Variants in PKN2 observed in about 807,000 individuals in gnomAD.
PKN2 encodes serine/threonine-protein kinase N2.
In PKN2, 38 loss-of-function variants were observed where a neutral mutation model predicts 119.1. The ratio of observed to expected loss-of-function variants is 0.32; its 90% confidence interval spans 0.25 to 0.42. PKN2 has a LOEUF of 0.42. PKN2 is among the 10% of genes least tolerant of loss of function. PKN2 has a pLI of 1.00. For synonymous variants in PKN2, 390 were observed against 384.9 expected (o/e 1.01, Z -0.15); for missense variants, 850 against 1,165.1 (o/e 0.73, Z 3.94).
intron 2 of PKN2, among the ~76,000 whole-genome samples, chr1:88,757,223 A>C (rs560794045): frequency 6.6e-6 from 1 of 152,154 alleles, no homozygotes; most frequent in African/African-American, 2.4e-5. Context: ...TCTGTCTCAA[A>C]AGGTTATTTT....
chr1:88,815,379 C>G (rs1171734626), intron 16 of PKN2: 2 of 284,916 alleles, frequency 7.0e-6, no homozygotes, highest in Non-Finnish European at 1.4e-5. Context: ...TCTGAGTTCC[C>G]TAGCTAAAAT....
At chr1:88,687,934 C>T (rs1341797106) in intron 1 of PKN2, among the ~76,000 whole-genome samples, 6 of 152,202 alleles carry the variant, frequency 3.9e-5, no homozygotes, top group African/African-American at 1.4e-4. Flanking sequence ...GTGTCCTATA[C>T]ACCTTATTTG....
Position 88,804,400 on chromosome 1 carries a change from C to T in PKN2, c.1291C>T (p.Leu431=). The T allele has an allele frequency of 3.1e-6, 5 of 1,609,144 alleles. No homozygotes were observed. The highest frequency in any genetic ancestry group is 4.2e-6 in the Non-Finnish European group (5 of 1,177,416). Residue 431 remains leucine, a synonymous_variant, in exon 9 of 22, where the codon CTG becomes TTG. Transcript: ENST00000370521. The part of the protein sequence containing the change: ...FTLELDRSRE[L]EISVYWRDWR... Reference sequence around the variant, plus strand: ...TTTTTAATTATCCTAGTCACGTGAACTGGAAATTTCAGTTTATTGGCGTGA... The same window carrying T: ...TTTTTAATTATCCTAGTCACGTGAATTGGAAATTTCAGTTTATTGGCGTGA...
At chr1:88,796,588 C>T (rs1380764077) in intron 8 of PKN2, among the ~76,000 whole-genome samples, 1 of 152,104 alleles carries the variant, frequency 6.6e-6, no homozygotes, top group Admixed American at 6.6e-5. Flanking sequence ...ATGACTTTGT[C>T]CTCTCCTTTA....
At chr1:88,746,211 T>C (rs1668764208) in intron 2 of PKN2, among the ~76,000 whole-genome samples, 1 of 152,130 alleles carries the variant, frequency 6.6e-6, no homozygotes, top group African/African-American at 2.4e-5. Context: ...TCTATGACAT[T>C]GGTCTAGGCA....
At chr1:88,774,426 C>A (rs1193399798) in intron 6 of PKN2, among the ~76,000 whole-genome samples, 2 of 152,132 alleles carry the variant, frequency 1.3e-5, no homozygotes, top group Admixed American at 1.3e-4. Flanking sequence ...CAGCCCCCAT[C>A]CTGAAACTGT....
chr1:88,770,327 T>G lies in PKN2; in HGVS notation c.505-25T>G, dbSNP rs747938410. Reference sequence around the variant, plus strand: ...TTCATTTTTCCCTTTATTTGCTTAATTTTTCAAACTTATTTTTTTAATAGG... The same window carrying G: ...TTCATTTTTCCCTTTATTTGCTTAAGTTTTCAAACTTATTTTTTTAATAGG... On this transcript the variant is annotated intron_variant, in intron 3 of 21. Coordinates refer to ENST00000370521, the MANE Select transcript of PKN2 (RefSeq NM_006256.4). 4 of 1,404,672 alleles carry G rather than the reference T, an allele frequency of 2.8e-6. No homozygotes were observed. The South Asian group carries it at 4.6e-5, about 16-fold the overall frequency. 87.0% of individuals were successfully genotyped at this position (1,404,672 alleles called of 1,614,324 possible).
chr1:88,726,288 C>T (rs958392590), intron 1 of PKN2, among the ~76,000 whole-genome samples: 2 of 152,006 alleles, frequency 1.3e-5, no homozygotes, highest in Non-Finnish European at 2.9e-5. Flanking sequence ...AGTTTTTCAC[C>T]GTTACATATG....
chr1:88,833,410 A>G lies in PKN2; in HGVS notation c.2917A>G (p.Met973Val), dbSNP rs1672811951. Residue 973 changes from methionine to valine, a missense_variant, in exon 22 of 22, where the codon ATG becomes GTG. This residue lies in a region of PKN2 where 52 missense variants were observed against 39.9 expected (regional missense o/e 1.30). Transcript: ENST00000370521. ...PRILSEEEQEMFRDFDYIADW... is the reference protein window; with the variant it reads ...PRILSEEEQEVFRDFDYIADW... Reference sequence around the variant, plus strand: ...GATACTTTCGGAAGAGGAGCAGGAAATGTTCAGAGATTTTGACTACATTGC... The same window carrying G: ...GATACTTTCGGAAGAGGAGCAGGAAGTGTTCAGAGATTTTGACTACATTGC... The G allele has an allele frequency of 6.2e-7, 1 of 1,613,342 alleles. No individual in the cohort carries two copies. Among genetic ancestry groups the G allele is most frequent in the Non-Finnish European group, 8.5e-7 (1 of 1,179,418 alleles).
chr1:88,717,352 G>A lies in PKN2; in HGVS notation c.49-23636G>A, dbSNP rs527900841. 2.5e-3 allele frequency among the ~76,000 whole-genome samples: 374 copies of A among 152,150 alleles called. 1 individual carries two copies. Among genetic ancestry groups the A allele is most frequent in the East Asian group, 0.017 (86 of 5,156 alleles). On this transcript the variant is annotated intron_variant, in intron 1 of 21. Transcript: ENST00000370521. ...TTTGAGTGTTGGCCTGCCTTGCTAG[G>A]TTGGGGAAGTTCTCCTGGATAATAT...
intron 1 of PKN2, among the ~76,000 whole-genome samples, chr1:88,714,249 T>C (rs1021695159): frequency 6.6e-6 from 1 of 152,218 alleles, no homozygotes; most frequent in African/African-American, 2.4e-5. Flanking sequence ...TGCTTAGGAT[T>C]GTCTTGGCAA....
chr1:88,762,785 A>T (rs145616666), intron 3 of PKN2, among the ~76,000 whole-genome samples: 1 of 152,246 alleles, frequency 6.6e-6, no homozygotes, highest in African/African-American at 2.4e-5. Flanking sequence ...AAGTTTTAGT[A>T]CGATATTTGA....
intron 6 of PKN2, among the ~76,000 whole-genome samples, chr1:88,776,424 A>G (rs578202374): frequency 3.8e-4 from 57 of 150,592 alleles, no homozygotes; most frequent in Non-Finnish European, 5.9e-4. Flanking sequence ...TTGGCTGGCA[A>G]TTTTGTTTTT....
At chr1:88,778,588 T>C (rs541455906) in intron 6 of PKN2, among the ~76,000 whole-genome samples, 6 of 152,348 alleles carry the variant, frequency 3.9e-5, no homozygotes, top group Non-Finnish European at 8.8e-5. Flanking sequence ...CCTCCCAGTT[T>C]CTTTGGCTTT....
chr1:88,807,837 ATG>A, intron 15 of PKN2, 62 bp downstream of exon 15: 1 of 936,486 alleles, frequency 1.1e-6, no homozygotes, highest in Non-Finnish European at 1.7e-6. Context: ...GAAATGATAT[ATG>A]TATTACAACA....
At chr1:88,717,307 C>T (rs1260104002) in intron 1 of PKN2, among the ~76,000 whole-genome samples, 2 of 152,080 alleles carry the variant, frequency 1.3e-5, no homozygotes, top group African/African-American at 4.8e-5. Context: ...ATCTTTGTGG[C>T]ATTCTCTGTA....
Position 88,817,718 on chromosome 1 carries a change from AAAAAG to A in PKN2, c.2279+3996_2279+4000del, listed in dbSNP as rs1208143205. ...AGCGAGACTCCGTCTCAAAAAAAAA[AAAAAG>A]AAAAGAAAAGGCCTTCGATAAAATT... On this transcript the variant is annotated intron_variant, in intron 16 of 21. Coordinates refer to ENST00000370521, the MANE Select transcript of PKN2 (RefSeq NM_006256.4). Among the ~76,000 whole-genome samples, 30 of 145,260 alleles carry A rather than the reference AAAAAG, an allele frequency of 2.1e-4. No homozygotes were observed. The East Asian group carries it at 2.9e-3, about 14-fold the overall frequency.
At chr1:88,715,559 G>A (rs1667413390) in intron 1 of PKN2, among the ~76,000 whole-genome samples, 1 of 152,198 alleles carries the variant, frequency 6.6e-6, no homozygotes, top group South Asian at 2.1e-4. Context: ...TTGCCTAGAG[G>A]TGTTTATAGT....
chr1:88,708,433 T>A (rs1181474844), intron 1 of PKN2, among the ~76,000 whole-genome samples: 1 of 152,158 alleles, frequency 6.6e-6, no homozygotes, highest in South Asian at 2.1e-4. Flanking sequence ...GGAAAAAAAA[T>A]GTTTCTTTGT....
Sources: allele counts gnomAD v4.1 joint callset (sites outside exome capture counted in the v4.1 genomes callset), GRCh38; gene constraint gnomAD v4.1.1; regional missense constraint gnomAD v4.1.1; transcripts MANE v1.5; gene names NCBI Gene and HGNC (gene_info 2026-07-23, HGNC 2026-07-21).